DCBLD2: variants seen among roughly 807,000 people sequenced by gnomAD.
The protein encoded by DCBLD2 is discoidin, CUB and LCCL domain-containing protein 2.
A neutral mutation model predicts 86.8 loss-of-function variants in DCBLD2; 54 were observed. That is an observed-to-expected ratio of 0.62 (90% CI 0.50 to 0.78). DCBLD2 has a LOEUF of 0.78. Among genes scored for constraint, DCBLD2 ranks in the 30% least tolerant of loss-of-function variants. The pLI, the probability that DCBLD2 is intolerant of heterozygous loss-of-function variation, is 0.00. For missense variants in DCBLD2, 908 were observed against 954.2 expected, an observed-to-expected ratio of 0.95 and a Z score of 0.64; for synonymous variants, 354 against 341.3, an observed-to-expected ratio of 1.04 and a Z score of -0.41.
At chr3:98,876,762 A>G (rs1943379116) in intron 2 of DCBLD2, among the ~76,000 whole-genome samples, 1 of 152,358 alleles carries the variant, frequency 6.6e-6, no homozygotes, top group East Asian at 1.9e-4. Flanking sequence ...AGCAACCAAT[A>G]CAACCATTCA....
intron 12 of DCBLD2, among the ~76,000 whole-genome samples, chr3:98,808,546 AT>A (rs1413868564): frequency 1.3e-5 from 2 of 152,222 alleles, no homozygotes; most frequent in East Asian, 3.8e-4. Context: ...TAAGAGAAAA[AT>A]CAGCAGAGAT....
chr3:98,898,399 A>G (rs932859963), intron 1 of DCBLD2, among the ~76,000 whole-genome samples: 6 of 150,702 alleles, frequency 4.0e-5, no homozygotes, highest in Non-Finnish European at 8.9e-5. Context: ...TCCATACTAG[A>G]TGCATTTCTA....
At chr3:98,838,901 C>T (rs1290819324) in intron 3 of DCBLD2, among the ~76,000 whole-genome samples, 10 of 151,678 alleles carry the variant, frequency 6.6e-5, no homozygotes, top group Non-Finnish European at 1.3e-4. Context: ...TCAGGCGTGG[C>T]GGCGCGTGCC....
At chr3:98,844,343 TTTATTATTATTATTA>T (rs10530611) in intron 3 of DCBLD2, among the ~76,000 whole-genome samples, 3 of 145,914 alleles carry the variant, frequency 2.1e-5, no homozygotes, top group African/African-American at 7.5e-5. Context: ...GTCAGTAGCA[TTTATTATTATTATTA>T]TTATTATTAT....
chr3:98,805,619 C>T (rs1194174040), intron 13 of DCBLD2, among the ~76,000 whole-genome samples: 1 of 152,124 alleles, frequency 6.6e-6, no homozygotes, highest in African/African-American at 2.4e-5. Flanking sequence ...GGTATCTGCT[C>T]CTTTACTCCT....
chr3:98,870,765 GAAAGAAAGAA>G (rs1390332102), intron 2 of DCBLD2, among the ~76,000 whole-genome samples: 1 of 144,164 alleles, frequency 6.9e-6, no homozygotes, highest in African/African-American at 2.6e-5. Context: ...AAGAAAGAAA[GAAAGAAAGAA>G]AGAAAGAAAG....
At chr3:98,849,276 T>A (rs943929207) in intron 3 of DCBLD2, 185 bp downstream of exon 3, 1 of 666,598 alleles carries the variant, frequency 1.5e-6, no homozygotes, top group Non-Finnish European at 2.5e-6. Context: ...GTAACGTTTA[T>A]GTACTTTTAT....
intron 3 of DCBLD2, among the ~76,000 whole-genome samples, chr3:98,846,053 G>T (rs959401037): frequency 3.3e-5 from 5 of 152,186 alleles, no homozygotes; most frequent in African/African-American, 4.8e-5. Flanking sequence ...TTCCATGAAG[G>T]TGTGATTGTG....
chr3:98,883,427 T>C (rs1434827051), intron 1 of DCBLD2, among the ~76,000 whole-genome samples: 1 of 152,136 alleles, frequency 6.6e-6, no homozygotes, highest in Non-Finnish European at 1.5e-5. Flanking sequence ...ATTAAAGATT[T>C]GAAAAAATGA....
intron 2 of DCBLD2, among the ~76,000 whole-genome samples, chr3:98,865,160 T>C (rs1943120395): frequency 6.6e-6 from 1 of 151,990 alleles, no homozygotes; most frequent in African/African-American, 2.4e-5. Flanking sequence ...ATACCTACAC[T>C]CCCATGTTCA....
chr3:98,861,110 G>A (rs1467142108), intron 2 of DCBLD2, among the ~76,000 whole-genome samples: 3 of 152,118 alleles, frequency 2.0e-5, no homozygotes, highest in Non-Finnish European at 4.4e-5. Context: ...AACCAACAAA[G>A]ATTAAAAGAG....
At chr3:98,875,684 G>C (rs1461249746) in intron 2 of DCBLD2, among the ~76,000 whole-genome samples, 2 of 152,130 alleles carry the variant, frequency 1.3e-5, no homozygotes, top group African/African-American at 4.8e-5. Flanking sequence ...TTACAAAACA[G>C]TCACATTCTG....
intron 2 of DCBLD2, among the ~76,000 whole-genome samples, chr3:98,859,375 T>C (rs1942997550): frequency 1.3e-5 from 2 of 151,882 alleles, no homozygotes; most frequent in Non-Finnish European, 1.5e-5. Flanking sequence ...TTGAAGAGAG[T>C]AGTGGTTCTC....
At chr3:98,830,454 T>C (rs1942300194) in intron 3 of DCBLD2, among the ~76,000 whole-genome samples, 4 of 152,238 alleles carry the variant, frequency 2.6e-5, no homozygotes, top group African/African-American at 9.6e-5. Context: ...CTTCTGCATA[T>C]GGCTAGCCAG....
At chr3:98,826,782 C>T (rs1449041125) in intron 3 of DCBLD2, among the ~76,000 whole-genome samples, 1 of 152,080 alleles carries the variant, frequency 6.6e-6, no homozygotes, top group Non-Finnish European at 1.5e-5. Context: ...TACTAACCTG[C>T]AGGGAAGAAA....
At chr3:98,894,472 C>A (rs1400525399) in intron 1 of DCBLD2, among the ~76,000 whole-genome samples, 15 of 152,074 alleles carry the variant, frequency 9.9e-5, no homozygotes, top group Admixed American at 9.2e-4. Flanking sequence ...TAGGCTGTCA[C>A]GGTTGTTAAG....
chr3:98,828,516 A>G (rs767159216), intron 3 of DCBLD2, among the ~76,000 whole-genome samples: 13 of 152,194 alleles, frequency 8.5e-5, no homozygotes, highest in Non-Finnish European at 1.8e-4. Context: ...AGACACCACC[A>G]TACACTCACT....
intron 12 of DCBLD2, among the ~76,000 whole-genome samples, chr3:98,808,400 T>A (rs1043209863): frequency 1.3e-5 from 2 of 152,110 alleles, no homozygotes; most frequent in African/African-American, 4.8e-5. Flanking sequence ...GATGTGAAAT[T>A]TTCCTAAATT....
At chr3:98,896,353 T>C (rs1295896706) in intron 1 of DCBLD2, among the ~76,000 whole-genome samples, 4 of 152,218 alleles carry the variant, frequency 2.6e-5, no homozygotes, top group Non-Finnish European at 4.4e-5. Flanking sequence ...ACTGAAATAC[T>C]TTCTCAAAGA....
Sources: gnomAD v4.1 joint callset for allele counts (sites outside exome capture counted in the v4.1 genomes callset) on GRCh38, gnomAD v4.1.1 for gene constraint, MANE v1.5 for transcripts, NCBI Gene and HGNC (gene_info 2026-07-23, HGNC 2026-07-21) for gene names.